The following OSBPL10 variants were observed in gnomAD, a reference collection of about 807,000 sequenced individuals.
The protein encoded by OSBPL10 is oxysterol-binding protein-related protein 10.
In OSBPL10, 49 loss-of-function variants were observed where a neutral mutation model predicts 81.7. The observed-to-expected ratio is 0.60, with a 90% confidence interval of 0.48 to 0.76. The LOEUF (loss-of-function observed/expected upper bound fraction) is 0.76, where lower values mean the gene tolerates loss of function less well. Ranked by LOEUF, OSBPL10 falls within the 30% of genes least tolerant of loss-of-function variation. The probability of loss-of-function intolerance (pLI) is 0.00; values close to 1 mark genes in which losing one functional copy is unlikely to be tolerated. For synonymous variants in OSBPL10, 419 were observed against 383.6 expected, an observed-to-expected ratio of 1.09 and a Z score of -1.08; for missense variants, 923 against 987.8, an observed-to-expected ratio of 0.93 and a Z score of 0.88.
At chr3:31,962,255 C>T (rs1226526238) in intron 1 of OSBPL10, among the ~76,000 whole-genome samples, 1 of 152,142 alleles carries the variant, frequency 6.6e-6, no homozygotes, top group Non-Finnish European at 1.5e-5. Flanking sequence ...CCGCGCCTGG[C>T]CGGCATCACC....
chr3:32,040,163 T>C (rs1699559607), intron 2 of OSBPL10, among the ~76,000 whole-genome samples: 1 of 152,166 alleles, frequency 6.6e-6, no homozygotes, highest in Non-Finnish European at 1.5e-5. Context: ...TCCCAGTACT[T>C]TGGGAGGCCC....
At chr3:31,855,621 A>G (rs1321281351) in intron 3 of OSBPL10, among the ~76,000 whole-genome samples, 1 of 152,198 alleles carries the variant, frequency 6.6e-6, no homozygotes, top group African/African-American at 2.4e-5. Context: ...ATTATGGTAC[A>G]CAGACATGCA....
chr3:31,888,870 G>A (rs1695812372), intron 1 of OSBPL10, among the ~76,000 whole-genome samples: 1 of 152,146 alleles, frequency 6.6e-6, no homozygotes, highest in African/African-American at 2.4e-5. Flanking sequence ...GTTGCAGTGA[G>A]CCGAGATCAC....
intron 1 of OSBPL10, among the ~76,000 whole-genome samples, chr3:31,897,682 A>G (rs1696095929): frequency 1.3e-5 from 2 of 152,184 alleles, no homozygotes. Flanking sequence ...TCAGGTTGAC[A>G]TTAGAGTTTT....
chr3:31,670,603 T>C (rs1230966614), intron 9 of OSBPL10, among the ~76,000 whole-genome samples, 194 bp downstream of exon 9: 2 of 152,126 alleles, frequency 1.3e-5, no homozygotes, highest in African/African-American at 4.8e-5. Flanking sequence ...GATTTAACCT[T>C]AAGTTTAGGG....
chr3:31,695,082 T>G (rs533662173), intron 7 of OSBPL10, among the ~76,000 whole-genome samples: 1 of 152,202 alleles, frequency 6.6e-6, no homozygotes, highest in Non-Finnish European at 1.5e-5. Flanking sequence ...GTGTTCTTGA[T>G]TGATGAGCTA....
chr3:31,768,030 C>T (rs537467407), intron 4 of OSBPL10, among the ~76,000 whole-genome samples: 1 of 152,210 alleles, frequency 6.6e-6, no homozygotes, highest in East Asian at 1.9e-4. Flanking sequence ...ATTTCTTGAT[C>T]GTGCGCTAAA....
At chr3:31,892,753 C>T (rs781147627) in intron 1 of OSBPL10, among the ~76,000 whole-genome samples, 8 of 152,046 alleles carry the variant, frequency 5.3e-5, no homozygotes, top group Non-Finnish European at 4.4e-5. Context: ...TCACATGATT[C>T]GGATCATCAT....
intron 5 of OSBPL10, among the ~76,000 whole-genome samples, chr3:31,737,481 CAGA>C (rs960435266): frequency 6.6e-6 from 1 of 151,926 alleles, no homozygotes; most frequent in African/African-American, 2.4e-5. Flanking sequence ...AACAGAAAAC[CAGA>C]AGAAGAAAAC....
intron 1 of OSBPL10, among the ~76,000 whole-genome samples, chr3:31,966,193 G>GTGTC (rs1310931193): frequency 1.4e-5 from 2 of 138,618 alleles, no homozygotes; most frequent in Non-Finnish European, 3.1e-5. Flanking sequence ...GTGTGTGTGT[G>GTGTC]TATTCACACT....
chr3:31,699,023 G>T (rs1235188686), intron 7 of OSBPL10, among the ~76,000 whole-genome samples: 2 of 152,130 alleles, frequency 1.3e-5, no homozygotes, highest in African/African-American at 4.8e-5. Flanking sequence ...ACAGTATCTG[G>T]CATGTGCAGT....
chr3:32,017,915 G>A (rs72855520), intron 2 of OSBPL10, among the ~76,000 whole-genome samples: 3,138 of 152,112 alleles, frequency 0.021, 105 homozygotes, highest in East Asian at 0.15. Flanking sequence ...TTGAGAGGCC[G>A]AGGCAGGCAG....
chr3:31,842,070 C>T (rs953844867), intron 3 of OSBPL10, among the ~76,000 whole-genome samples: 4 of 152,190 alleles, frequency 2.6e-5, no homozygotes, highest in Non-Finnish European at 4.4e-5. Flanking sequence ...ATATGCTTTA[C>T]ATCAGGGAGA....
At chr3:31,874,526 A>G (rs1351575853) in intron 3 of OSBPL10, among the ~76,000 whole-genome samples, 1 of 152,188 alleles carries the variant, frequency 6.6e-6, no homozygotes, top group Non-Finnish European at 1.5e-5. Flanking sequence ...ATCAAGAGGA[A>G]AAAATGAGCT....
intron 8 of OSBPL10, among the ~76,000 whole-genome samples, chr3:31,676,274 T>TC (rs1459388874): frequency 6.6e-6 from 1 of 151,280 alleles, no homozygotes; most frequent in Non-Finnish European, 1.5e-5. Context: ...CTCTTTTTTT[T>TC]CAGGGTTGCA....
At chr3:31,899,872 A>G (rs1000365537) in intron 1 of OSBPL10, among the ~76,000 whole-genome samples, 4 of 152,178 alleles carry the variant, frequency 2.6e-5, no homozygotes, top group Non-Finnish European at 5.9e-5. Flanking sequence ...TGGTCCCAGC[A>G]TAGAAAATAT....
intron 1 of OSBPL10, among the ~76,000 whole-genome samples, chr3:32,057,985 T>C (rs1318706799): frequency 1.3e-5 from 2 of 152,206 alleles, no homozygotes; most frequent in African/African-American, 4.8e-5. Flanking sequence ...TGTATGGGTA[T>C]GACAATAAGA....
intron 7 of OSBPL10, among the ~76,000 whole-genome samples, chr3:31,697,422 T>A (rs774143369): frequency 6.6e-6 from 1 of 151,714 alleles, no homozygotes; most frequent in Non-Finnish European, 1.5e-5. Flanking sequence ...CAATAGACAA[T>A]TGAAACAAAT....
chr3:31,679,577 C>T (rs1244968912), intron 8 of OSBPL10, among the ~76,000 whole-genome samples: 2 of 152,166 alleles, frequency 1.3e-5, no homozygotes, highest in Non-Finnish European at 2.9e-5. Flanking sequence ...GGAATTATCT[C>T]GCATATGGGG....
Sources: allele counts gnomAD v4.1 joint callset (sites outside exome capture counted in the v4.1 genomes callset), GRCh38; gene constraint gnomAD v4.1.1; transcripts MANE v1.5; gene names NCBI Gene and HGNC (gene_info 2026-07-23, HGNC 2026-07-21).